The following CERS6 variants were observed in gnomAD, a reference collection of about 807,000 sequenced individuals.
The protein encoded by CERS6 is LAG1 homolog, ceramide synthase 6.
CERS6 carries 26 observed loss-of-function variants against 56.8 expected under a neutral mutation model. That is an observed-to-expected ratio of 0.46 (90% CI 0.34 to 0.63). CERS6 has a LOEUF of 0.63. Among genes scored for constraint, CERS6 ranks in the 30% least tolerant of loss-of-function variants. CERS6 has a pLI of 0.01. For missense variants in CERS6, 415 were observed against 467.5 expected (o/e 0.89, Z 1.04); for synonymous variants, 164 against 173.3 (o/e 0.95, Z 0.42).
intron 3 of CERS6, among the ~76,000 whole-genome samples, chr2:168,601,654 G>C (rs1164285822): frequency 6.6e-6 from 1 of 151,822 alleles, no homozygotes; most frequent in Non-Finnish European, 1.5e-5. Flanking sequence ...GGTTCAAGCA[G>C]TTCTTCTGCC....
intron 5 of CERS6, among the ~76,000 whole-genome samples, chr2:168,692,056 C>T (rs560533143): frequency 5.3e-5 from 8 of 152,160 alleles, no homozygotes; most frequent in East Asian, 3.9e-4. Flanking sequence ...GCTAGTTCAA[C>T]GTTAAGGACA....
intron 3 of CERS6, among the ~76,000 whole-genome samples, chr2:168,594,764 A>G (rs991646119): frequency 1.3e-5 from 2 of 152,102 alleles, no homozygotes; most frequent in Non-Finnish European, 2.9e-5. Flanking sequence ...GAATCTCTCC[A>G]GAGATTCTTC....
chr2:168,719,631 G>T (rs1477149375), intron 8 of CERS6, among the ~76,000 whole-genome samples: 1 of 152,128 alleles, frequency 6.6e-6, no homozygotes, highest in African/African-American at 2.4e-5. Context: ...TTCATCATGA[G>T]TCATCAGAAT....
intron 3 of CERS6, among the ~76,000 whole-genome samples, chr2:168,571,922 A>T (rs1196912961): frequency 6.6e-6 from 1 of 152,174 alleles, no homozygotes; most frequent in African/African-American, 2.4e-5. Flanking sequence ...ACTATTTCTT[A>T]TATTGCCTAT....
At chr2:168,688,411 G>A (rs1040448109) in intron 4 of CERS6, among the ~76,000 whole-genome samples, 1 of 83,250 alleles carries the variant, frequency 1.2e-5, no homozygotes, top group Non-Finnish European at 3.0e-5. Context: ...GTGAGACTCC[G>A]TCTCAAAAAA....
intron 2 of CERS6, among the ~76,000 whole-genome samples, chr2:168,549,430 A>G (rs1695525189): frequency 6.6e-6 from 1 of 152,164 alleles, no homozygotes; most frequent in African/African-American, 2.4e-5. Context: ...AGGTCAAGAG[A>G]TCGAGACCAC....
At chr2:168,757,650 G>C (rs1684455335) in intron 8 of CERS6, among the ~76,000 whole-genome samples, 1 of 152,226 alleles carries the variant, frequency 6.6e-6, no homozygotes, top group Non-Finnish European at 1.5e-5. Context: ...AGGAGGCCAA[G>C]GTGGGAGAAT....
In CERS6 at chr2:168,728,515, A is replaced by G. The variant is rs181139307; in HGVS notation, c.845+10537A>G. Among the ~76,000 whole-genome samples, 1,066 of 149,514 alleles carry G rather than the reference A, an allele frequency of 7.1e-3. 11 individuals carry two copies. Among genetic ancestry groups the G allele is most frequent in the African/African-American group, 0.025 (999 of 40,438 alleles). ...AGTGATTCTCCTGACTCAGCCTCTC[A>G]AGTAGCTGGGATTAAAAGCACCCAC... is the stretch of plus-strand genomic sequence containing the variant. On this transcript the variant is annotated intron_variant, in intron 8 of 9. Coordinates refer to ENST00000305747, the MANE Select transcript of CERS6 (RefSeq NM_203463.3).
intron 1 of CERS6, among the ~76,000 whole-genome samples, chr2:168,503,843 ATAGAAG>A (rs1694629245): frequency 1.3e-5 from 2 of 152,222 alleles, no homozygotes; most frequent in Non-Finnish European, 2.9e-5. Context: ...AACAAAGCAT[ATAGAAG>A]TTGTGCCATC....
In CERS6 at chr2:168,769,555, G is replaced by C. The variant is rs774849482; in HGVS notation, c.1048G>C (p.Glu350Gln). The C allele has an allele frequency of 6.2e-7, 1 of 1,612,062 alleles. No homozygotes were observed. Among genetic ancestry groups the C allele is most frequent in the East Asian group, 2.2e-5 (1 of 44,786 alleles). The change falls in exon 10 of 10, where the codon GAG (glutamate) becomes CAG (glutamine). Residue 350 changes from glutamate to glutamine, a missense_variant. Physicochemically the swap from Glu to Gln is conservative, Grantham distance 29. Transcript: ENST00000305747. ...TGATATTGAGTCTAGCTCAGATGAG[G>C]AGGACTCAGAACCTCCGGGAAAGAA... Reference protein sequence around the residue: ...RSDIESSSDEEDSEPPGKNPH... With the variant: ...RSDIESSSDEQDSEPPGKNPH...
intron 1 of CERS6, among the ~76,000 whole-genome samples, chr2:168,501,185 CTT>C (rs1422139367): frequency 6.6e-6 from 1 of 152,088 alleles, no homozygotes; most frequent in African/African-American, 2.4e-5. Context: ...CTTTGGTTAA[CTT>C]GAGTTTGGTG....
chr2:168,464,884 C>G (rs1266908832), intron 1 of CERS6, among the ~76,000 whole-genome samples: 1 of 152,162 alleles, frequency 6.6e-6, no homozygotes. Flanking sequence ...AAGAAACAAA[C>G]AGAATAACAC....
At chr2:168,761,994 TG>T (rs1684594419) in intron 8 of CERS6, among the ~76,000 whole-genome samples, 1 of 151,966 alleles carries the variant, frequency 6.6e-6, no homozygotes, top group South Asian at 2.1e-4. Flanking sequence ...CATCACACAC[TG>T]GGGCCTGTCA....
At chr2:168,458,510 T>C (rs1158071224) in intron 1 of CERS6, among the ~76,000 whole-genome samples, 3 of 152,222 alleles carry the variant, frequency 2.0e-5, no homozygotes, top group Non-Finnish European at 4.4e-5. Flanking sequence ...CATTTTTTAT[T>C]TTCTTTCTTT....
At chr2:168,641,259 A>AT (rs10622907) in intron 4 of CERS6, among the ~76,000 whole-genome samples, 20 of 151,872 alleles carry the variant, frequency 1.3e-4, no homozygotes, top group South Asian at 2.1e-4. Flanking sequence ...CGGAAATGTC[A>AT]TTTTTTTAGA....
chr2:168,561,297 A>G lies in CERS6; in HGVS notation c.382A>G (p.Thr128Ala), dbSNP rs2105381910. The change falls in exon 3 of 10, where the codon ACG (threonine) becomes GCG (alanine). Residue 128 changes from threonine (T) to alanine (A), a missense_variant. Physicochemically the swap from Thr to Ala is moderately conservative, Grantham distance 58 (BLOSUM62 0). Transcript: ENST00000305747. ...RQRRNQEKPSTLTRFCESMWR... is the reference protein window; with the variant it reads ...RQRRNQEKPSALTRFCESMWR... ...AAGACGCAATCAGGAGAAGCCAAGC[A>G]CGCTGACGAGGTTCTGTGAGAGCAT... is the stretch of plus-strand genomic sequence containing the variant. The G allele has an allele frequency of 1.2e-6, 2 of 1,614,178 alleles. No individual in the cohort carries two copies. The highest frequency in any genetic ancestry group is 1.1e-5 in the South Asian group (1 of 91,084).
chr2:168,472,577 T>C (rs1231278786), intron 1 of CERS6, among the ~76,000 whole-genome samples: 2 of 152,124 alleles, frequency 1.3e-5, no homozygotes, highest in Non-Finnish European at 2.9e-5. Flanking sequence ...TCGAATTTAA[T>C]AAAGAAATTA....
chr2:168,649,161 C>T (rs1197827822), intron 4 of CERS6, among the ~76,000 whole-genome samples: 1 of 152,158 alleles, frequency 6.6e-6, no homozygotes, highest in Non-Finnish European at 1.5e-5. Context: ...AGCATACTGC[C>T]TCAAGCTGTA....
rs58256507 is a variant in CERS6 at position 168,743,995 on chromosome 2, CTTTTTTTTT to C, written c.846-21585_846-21577del. Among the ~76,000 whole-genome samples the C allele has an allele frequency of 1.6e-4, 10 of 63,416 alleles. No homozygotes were observed. The Admixed American group carries it at 1.6e-3, about 10-fold the overall frequency. The allele number at this position is 63,416 out of a possible 152,430, so 41.6% of individuals were successfully genotyped here. On this transcript the variant is annotated intron_variant, in intron 8 of 9. Coordinates refer to ENST00000305747, the MANE Select transcript of CERS6 (RefSeq NM_203463.3). ...TACTGTTTTCTTTTTTCTTTTTTTTCTTTTTTTTTTTTTTTTTTTTGAGATGGAGTCTTG... is the reference window on the plus strand; with the variant it reads ...TACTGTTTTCTTTTTTCTTTTTTTTCTTTTTTTTTTTGAGATGGAGTCTTG...
Sources: gnomAD v4.1 joint callset for allele counts (sites outside exome capture counted in the v4.1 genomes callset) on GRCh38, gnomAD v4.1.1 for gene constraint, MANE v1.5 for transcripts, NCBI Gene and HGNC (gene_info 2026-07-23, HGNC 2026-07-21) for gene names.